ABI3BP: variants seen among roughly 807,000 people sequenced by gnomAD.
The protein encoded by ABI3BP is ABI family member 3 binding protein.
In ABI3BP, 216 loss-of-function variants were observed where a neutral mutation model predicts 268.6. The observed-to-expected ratio is 0.80, with a 90% CI of 0.72 to 0.90. ABI3BP has a LOEUF of 0.90. Among genes scored for constraint, ABI3BP ranks in the 40% least tolerant of loss-of-function variants. The pLI is 0.00. For synonymous variants in ABI3BP, 730 were observed against 730.0 expected (o/e 1.00, Z 0.00); for missense variants, 2,090 against 2,182.4 (o/e 0.96, Z 0.84).
chr3:100,846,609 C>A, intron 19 of ABI3BP, 163 bp from the exon 20 acceptor site: 1 of 512,986 alleles, frequency 1.9e-6, no homozygotes. Flanking sequence ...ATTTCATGAT[C>A]CATTCACAGA....
At chr3:100,855,409 A>G (rs1253695242) in intron 14 of ABI3BP, among the ~76,000 whole-genome samples, 1 of 152,200 alleles carries the variant, frequency 6.6e-6, no homozygotes, top group African/African-American at 2.4e-5. Flanking sequence ...CTATGTGAAA[A>G]CTTCCTTTTT....
intron 4 of ABI3BP, among the ~76,000 whole-genome samples, chr3:100,887,835 G>C (rs1241693941): frequency 6.6e-6 from 1 of 152,040 alleles, no homozygotes. Flanking sequence ...AACAATCCCA[G>C]TATCTAGAGA....
At chr3:100,931,425 C>T (rs1429720901) in intron 1 of ABI3BP, among the ~76,000 whole-genome samples, 1 of 152,002 alleles carries the variant, frequency 6.6e-6, no homozygotes, top group Non-Finnish European at 1.5e-5. Context: ...TGTTTCTCTG[C>T]AGATAATATA....
At chr3:100,895,211 A>C (rs1014969629) in intron 4 of ABI3BP, among the ~76,000 whole-genome samples, 2 of 152,106 alleles carry the variant, frequency 1.3e-5, no homozygotes, top group African/African-American at 4.8e-5. Flanking sequence ...TCTATTGAAG[A>C]CAAATGGGTA....
At chr3:100,804,388 T>C (rs993925277) in intron 51 of ABI3BP, among the ~76,000 whole-genome samples, 3 of 152,206 alleles carry the variant, frequency 2.0e-5, no homozygotes, top group Non-Finnish European at 4.4e-5. Flanking sequence ...ACAATTTATG[T>C]ATCCAAGTAA....
intron 36 of ABI3BP, 81 bp from the exon 37 acceptor site, chr3:100,823,595 G>A: frequency 1.9e-6 from 2 of 1,049,372 alleles, no homozygotes; most frequent in Non-Finnish European, 2.7e-6. Flanking sequence ...AAATTTTACT[G>A]GTATGTCAAT....
intron 1 of ABI3BP, among the ~76,000 whole-genome samples, chr3:100,975,476 T>C (rs1050906872): frequency 1.3e-5 from 2 of 152,058 alleles, no homozygotes; most frequent in African/African-American, 4.8e-5. Flanking sequence ...GATTATACAA[T>C]AGTTGGTCTC....
intron 2 of ABI3BP, among the ~76,000 whole-genome samples, chr3:100,905,159 G>A (rs1336699999): frequency 6.6e-6 from 1 of 151,960 alleles, no homozygotes; most frequent in Non-Finnish European, 1.5e-5. Context: ...ACTATCGCAA[G>A]GACAAAAAAC....
In ABI3BP at chr3:100,766,526, C is replaced by T. The variant is rs76893237; in HGVS notation, c.4742-577G>A. Reference sequence around the variant, plus strand: ...TATAGGAGTAGTTGGTTTTTGTACTCGCTGCCTACATAAGTTATGCTCCCA... The same window carrying T: ...TATAGGAGTAGTTGGTTTTTGTACTTGCTGCCTACATAAGTTATGCTCCCA... On this transcript the variant is annotated intron_variant, in intron 62 of 67. Coordinates refer to ENST00000471714, the MANE Select transcript of ABI3BP (RefSeq NM_001375547.2). Among the ~76,000 whole-genome samples the T allele has an allele frequency of 3.4e-3, 514 of 152,264 alleles. 5 individuals are homozygous for T. Among genetic ancestry groups the T allele is most frequent in the African/African-American group, 0.012 (490 of 41,544 alleles).
intron 37 of ABI3BP, 146 bp from the exon 38 acceptor site, chr3:100,822,818 A>G (rs1292793447): frequency 1.7e-6 from 1 of 592,588 alleles, no homozygotes; most frequent in African/African-American, 1.8e-5. Flanking sequence ...CTCCTTATAG[A>G]TCTTTTATCA....
intron 65 of ABI3BP, 60 bp downstream of exon 65, chr3:100,753,759 T>C: frequency 1.9e-6 from 3 of 1,570,476 alleles, no homozygotes; most frequent in Non-Finnish European, 2.6e-6. Context: ...CTGCCATGCC[T>C]GTTCAGTTGA....
At chr3:100,794,429 CTG>C (rs2097282939) in intron 54 of ABI3BP, among the ~76,000 whole-genome samples, 1 of 151,904 alleles carries the variant, frequency 6.6e-6, no homozygotes, top group Non-Finnish European at 1.5e-5. Context: ...GGCACAGAGG[CTG>C]CAGTATTATA....
Position 100,838,412 on chromosome 3 carries a change from T to A in ABI3BP, c.1998A>T (p.Gln666His). 6.5e-7 allele frequency: 1 copy of A among 1,535,826 alleles called. No homozygotes were observed. Among genetic ancestry groups the A allele is most frequent in the Non-Finnish European group, 8.7e-7 (1 of 1,146,688 alleles). Residue 666 changes from glutamine to histidine, a missense_variant, in exon 25 of 68, where the codon CAA becomes CAT. Gln to His is a conservative substitution (Grantham distance 24). Coordinates refer to ENST00000471714, the MANE Select transcript of ABI3BP (RefSeq NM_001375547.2). The stretch of plus-strand genomic sequence containing the variant: ...GAAAGTAATGATTACCAGGCTGAAT[T>A]TGAGGTGCATCTGGTCTGTGTGTGG... The part of the protein sequence containing the change: ...PKTTHRPDAP[Q>H]IQPGSKPPKQ...
intron 63 of ABI3BP, among the ~76,000 whole-genome samples, chr3:100,763,241 A>G (rs1309139394): frequency 2.0e-5 from 3 of 151,968 alleles, no homozygotes; most frequent in Admixed American, 6.5e-5. Flanking sequence ...CAGGTTAGTC[A>G]CCTGAGGTCA....
chr3:100,844,389 G>A lies in ABI3BP; in HGVS notation c.1723+1983C>T, dbSNP rs930186636. 4 of 985,258 alleles carry A rather than the reference G, an allele frequency of 4.1e-6. No individual in the cohort carries two copies. In the African/African-American group the frequency reaches 7.0e-5, roughly 17 times the overall value. 61.0% of individuals were successfully genotyped at this position (985,258 alleles called of 1,614,324 possible). ...TAGGTGGCTGTGGTTTTTGAGAAAT[G>A]CGCTGAATTGTACTTATAAAACAAG... On this transcript the variant is annotated intron_variant, in intron 20 of 67. Coordinates refer to ENST00000471714, the MANE Select transcript of ABI3BP (RefSeq NM_001375547.2).
At chr3:100,831,523 A>C (rs888623355) in intron 31 of ABI3BP, among the ~76,000 whole-genome samples, 2 of 152,122 alleles carry the variant, frequency 1.3e-5, no homozygotes, top group African/African-American at 4.8e-5. Context: ...TTCAGTTCTA[A>C]GAACAGAAAA....
intron 17 of ABI3BP, 53 bp from the exon 18 acceptor site, chr3:100,848,928 C>T (rs542463611): frequency 3.3e-6 from 5 of 1,508,034 alleles, no homozygotes; most frequent in Non-Finnish European, 4.6e-6. Context: ...AGGGGTCAAT[C>T]AGGTTGTGCC....
chr3:100,829,493 G>T (rs1200953488), intron 33 of ABI3BP, 88 bp downstream of exon 33: 8 of 1,249,824 alleles, frequency 6.4e-6, no homozygotes, highest in Non-Finnish European at 9.0e-6. Flanking sequence ...TGTGGAATCA[G>T]CTGCTGACCA....
chr3:100,811,750 C>T lies in ABI3BP; in HGVS notation c.3471G>A (p.Trp1157Ter), dbSNP rs1461104030. The change falls in exon 47 of 68, where the codon TGG (tryptophan) becomes TGA (stop). Residue 1157 changes from tryptophan (W) to a stop codon, truncating the protein, a stop_gained. Coordinates refer to ENST00000471714, the MANE Select transcript of ABI3BP (RefSeq NM_001375547.2). LOFTEE classifies it high-confidence loss of function. ...YVYPTAKAPL[W>*]PEEPKTEVVE... ...TACCTTCAGTCTTTGGCTCCTCTGG[C>T]CAGAGTGGTGCTTTGGCAGTGGGAT... 5.9e-6 allele frequency: 9 copies of T among 1,535,338 alleles called. No individual in the cohort carries two copies. Among genetic ancestry groups the T allele is most frequent in the Non-Finnish European group, 7.9e-6 (9 of 1,146,462 alleles).
Sources: gnomAD v4.1 joint callset for allele counts (sites outside exome capture counted in the v4.1 genomes callset) on GRCh38, gnomAD v4.1.1 for gene constraint, MANE v1.5 for transcripts, NCBI Gene and HGNC (gene_info 2026-07-23, HGNC 2026-07-21) for gene names.